C6: variants seen among roughly 807,000 people sequenced by gnomAD.
C6 encodes complement component C6.
In C6, 101 loss-of-function variants were observed where a neutral mutation model predicts 112.9. The ratio of observed to expected loss-of-function variants is 0.89; its 90% CI spans 0.76 to 1.06. The LOEUF is 1.06. Ranked by LOEUF, C6 falls within the 50% of genes least tolerant of loss-of-function variation. The pLI is 0.00. For synonymous variants in C6, 431 were observed against 384.1 expected, an observed-to-expected ratio of 1.12 and a Z score of -1.43; for missense variants, 1,202 against 1,104.6, an observed-to-expected ratio of 1.09 and a Z score of -1.25.
rs758685848 is a variant in C6, at chr5:41,149,916, T to G, written c.2381+19A>C. On this transcript the variant is annotated intron_variant, in intron 16 of 17. Transcript: ENST00000337836. ...TGGTTTTCCCAATTTCCAGACACAGTCTGTAGGGTATCTCTTACCTACAGT... is the reference window on the plus strand; with the variant it reads ...TGGTTTTCCCAATTTCCAGACACAGGCTGTAGGGTATCTCTTACCTACAGT... The G allele has an allele frequency of 6.5e-7, 1 of 1,532,698 alleles. No homozygotes were observed. Among genetic ancestry groups the G allele is most frequent in the South Asian group, 1.1e-5 (1 of 89,476 alleles). The allele number at this position is 1,532,698 out of a possible 1,614,324, so 94.9% of individuals were successfully genotyped here.
intron 1 of C6, among the ~76,000 whole-genome samples, chr5:41,206,575 G>T (rs537793876): frequency 6.6e-6 from 1 of 152,154 alleles, no homozygotes; most frequent in Non-Finnish European, 1.5e-5. Flanking sequence ...ACTACATGAC[G>T]CATGCACAAG....
chr5:41,156,455 A>ACACAG (rs1259944431), intron 13 of C6, among the ~76,000 whole-genome samples: 7 of 152,178 alleles, frequency 4.6e-5, no homozygotes, highest in Admixed American at 3.9e-4. Context: ...ATAAATCTTT[A>ACACAG]CACAGGCCTT....
chr5:41,261,148 C>A, intron 1 of C6: 1 of 972,858 alleles, frequency 1.0e-6, no homozygotes, highest in Non-Finnish European at 1.2e-6. Context: ...ACCTCATATG[C>A]ATGCCCACCA....
At chr5:41,227,021 A>G (rs1739557127) in intron 1 of C6, among the ~76,000 whole-genome samples, 1 of 152,154 alleles carries the variant, frequency 6.6e-6, no homozygotes, top group African/African-American at 2.4e-5. Flanking sequence ...AATCCTTTGA[A>G]GAACCTCCAT....
At chr5:41,228,314 C>T (rs1428986747) in intron 1 of C6, among the ~76,000 whole-genome samples, 1 of 151,884 alleles carries the variant, frequency 6.6e-6, no homozygotes, top group Non-Finnish European at 1.5e-5. Context: ...GATTTCATAT[C>T]CTGCCACTTT....
At chr5:41,231,344 A>G (rs930551812) in intron 1 of C6, among the ~76,000 whole-genome samples, 2 of 151,962 alleles carry the variant, frequency 1.3e-5, no homozygotes, top group African/African-American at 4.8e-5. Flanking sequence ...TTTCTTTTTA[A>G]TGTACATACT....
In C6 at chr5:41,203,166, C is replaced by T. The variant is rs544418156; in HGVS notation, c.65G>A (p.Cys22Tyr). ...LNALINKGQA[C>Y]FCDHYAWTQW... is the part of the protein sequence containing the mutation. ...AGTCCATGCATAGTGATCACAGAAG[C>T]AGGCTTGGCCCTTGTTGATCAGAGC... Residue 22 changes from cysteine (C) to tyrosine (Y), a missense_variant, in exon 2 of 18, where the codon TGC (cysteine) becomes TAC (tyrosine). By Grantham distance (194) the Cys-to-Tyr change is radical. Coordinates refer to ENST00000337836, the MANE Select transcript of C6 (RefSeq NM_000065.5). 8.1e-6 allele frequency: 13 copies of T among 1,614,112 alleles called. No individual in the cohort carries two copies. The African/African-American group carries it at 1.6e-4, about 20-fold the overall frequency.
At chr5:41,180,530 T>A (rs779284559) in intron 7 of C6, among the ~76,000 whole-genome samples, 1 of 152,102 alleles carries the variant, frequency 6.6e-6, no homozygotes, top group African/African-American at 2.4e-5. Context: ...AAAAGGGTTC[T>A]CTAAGTCCCT....
chr5:41,176,619 G>A lies in C6; in HGVS notation c.1024C>T (p.Leu342Phe), dbSNP rs1748874870. 5.6e-6 allele frequency: 9 copies of A among 1,613,786 alleles called. No individual in the cohort carries two copies. Among genetic ancestry groups the A allele is most frequent in the Admixed American group, 1.7e-5 (1 of 59,982 alleles). ...LHLSDVFLKALNHLPLEYNSA... is the reference protein window; with the variant it reads ...LHLSDVFLKAFNHLPLEYNSA... Reference sequence around the variant, plus strand: ...TTGTATTCTAGAGGCAGATGGTTAAGTGCTTTCAAAAAGACATCAGAAAGG... The same window carrying A: ...TTGTATTCTAGAGGCAGATGGTTAAATGCTTTCAAAAAGACATCAGAAAGG... The change falls in exon 8 of 18, where the codon CTT (leucine) becomes TTT (phenylalanine). Residue 342 changes from leucine to phenylalanine, a missense_variant. Coordinates refer to ENST00000337836, the MANE Select transcript of C6 (RefSeq NM_000065.5).
At chr5:41,238,703 C>T (rs1004773871) in intron 1 of C6, among the ~76,000 whole-genome samples, 6 of 152,064 alleles carry the variant, frequency 3.9e-5, no homozygotes, top group Non-Finnish European at 5.9e-5. Flanking sequence ...TTCAAGTTAC[C>T]AGCCTGATGT....
At chr5:41,244,848 T>C (rs1244903230) in intron 1 of C6, among the ~76,000 whole-genome samples, 2 of 152,210 alleles carry the variant, frequency 1.3e-5, no homozygotes. Context: ...TTTTAAATCA[T>C]GAATGAGTTA....
rs141505783 is a variant in C6 at position 41,226,319 on chromosome 5, A to G, written c.-20-23069T>C. ...ATATGAACAGACACTTCTCAAAAGA[A>G]GACATTTATGCAGCCAGAAGACACA... On this transcript the variant is annotated intron_variant, in intron 1 of 17. Coordinates refer to the C6 transcript ENST00000263413. Among the ~76,000 whole-genome samples the G allele has an allele frequency of 6.0e-3, 918 of 152,324 alleles. 10 individuals carry two copies. Among genetic ancestry groups the G allele is most frequent in the African/African-American group, 0.021 (885 of 41,574 alleles).
At chr5:41,150,636 C>T (rs560825375) in intron 15 of C6, among the ~76,000 whole-genome samples, 1 of 152,232 alleles carries the variant, frequency 6.6e-6, no homozygotes, top group East Asian at 1.9e-4. Context: ...CGCTTGTAAT[C>T]CCAGCATTTT....
At chr5:41,256,768 G>A (rs1485991059) in intron 1 of C6, among the ~76,000 whole-genome samples, 2 of 152,068 alleles carry the variant, frequency 1.3e-5, no homozygotes, top group African/African-American at 4.8e-5. Flanking sequence ...CGAGCAGATT[G>A]AGTCTCTTAT....
At chr5:41,232,065 C>G (rs949262496) in intron 1 of C6, among the ~76,000 whole-genome samples, 8 of 152,018 alleles carry the variant, frequency 5.3e-5, no homozygotes, top group African/African-American at 1.9e-4. Flanking sequence ...GTTAGGACTC[C>G]TAATTCATAG....
At chr5:41,247,699 C>G (rs2150434144) in intron 1 of C6, among the ~76,000 whole-genome samples, 1 of 142,914 alleles carries the variant, frequency 7.0e-6, no homozygotes. Flanking sequence ...GCCTGGGTGA[C>G]AGAGTGAGAC....
At chr5:41,175,532 TCATCA>T (rs1185561951) in intron 8 of C6, among the ~76,000 whole-genome samples, 1 of 152,188 alleles carries the variant, frequency 6.6e-6, no homozygotes, top group Non-Finnish European at 1.5e-5. Flanking sequence ...AAAGTATAGC[TCATCA>T]CTCTTCATTT....
chr5:41,191,867 C>G (rs1448809503), intron 5 of C6, among the ~76,000 whole-genome samples: 6 of 151,052 alleles, frequency 4.0e-5, no homozygotes, highest in Non-Finnish European at 5.9e-5. Context: ...GACAATTTGA[C>G]TTACTCCTTT....
intron 1 of C6, among the ~76,000 whole-genome samples, chr5:41,220,920 A>G (rs940781781): frequency 6.6e-6 from 1 of 152,036 alleles, no homozygotes; most frequent in Non-Finnish European, 1.5e-5. Context: ...TGTGTGCCCA[A>G]TGTATAAACA....
Sources: allele counts gnomAD v4.1 joint callset (sites outside exome capture counted in the v4.1 genomes callset), GRCh38; gene constraint gnomAD v4.1.1; transcripts MANE v1.5; gene names NCBI Gene and HGNC (gene_info 2026-07-23, HGNC 2026-07-21).